FBXW11: variants seen among roughly 807,000 people sequenced by gnomAD.
FBXW11 encodes the protein F-box and WD repeat domain containing 11.
In FBXW11, 19 loss-of-function variants were observed where a neutral mutation model predicts 77.6. The ratio of observed to expected loss-of-function variants is 0.24; its 90% confidence interval spans 0.17 to 0.36. FBXW11 has a LOEUF of 0.36. Ranked by LOEUF, FBXW11 falls within the 10% of genes least tolerant of loss-of-function variation. FBXW11 has a pLI of 1.00. For missense variants in FBXW11, 334 were observed against 704.2 expected, an observed-to-expected ratio of 0.47 and a Z score of 5.95; for synonymous variants, 235 against 249.4, an observed-to-expected ratio of 0.94 and a Z score of 0.54.
chr5:171,994,282 C>T (rs1457062399), intron 1 of FBXW11, among the ~76,000 whole-genome samples: 1 of 152,116 alleles, frequency 6.6e-6, no homozygotes, highest in Admixed American at 6.5e-5. Context: ...AGATGTGTGA[C>T]CTAAAGCATG....
intron 2 of FBXW11, among the ~76,000 whole-genome samples, chr5:171,935,695 G>A (rs927714993): frequency 6.6e-6 from 1 of 152,120 alleles, no homozygotes; most frequent in East Asian, 1.9e-4. Flanking sequence ...CATCAGTGGA[G>A]CAGCATCTTC....
intron 1 of FBXW11, among the ~76,000 whole-genome samples, chr5:171,967,836 T>A (rs1764280703): frequency 7.9e-6 from 1 of 126,234 alleles, no homozygotes; most frequent in African/African-American, 3.9e-5. Flanking sequence ...CGAGACTCTG[T>A]CTCAAAAAAA....
In FBXW11 at chr5:171,869,207, T is replaced by A. The variant is rs1164319975; in HGVS notation, c.1531-411A>T. On this transcript the variant is annotated intron_variant, in intron 12 of 13. Transcript: ENST00000517395. This position sits in a 1 kb window ranked among gnomAD's most constrained non-coding sequence, Gnocchi z 4.1. Reference sequence around the variant, plus strand: ...CAAAATTCATGGTGAAATAATAATATAAGAGTTCCCATTAAAATCAAGAAG... The same window carrying A: ...CAAAATTCATGGTGAAATAATAATAAAAGAGTTCCCATTAAAATCAAGAAG... Among the ~76,000 whole-genome samples the A allele has an allele frequency of 1.3e-5, 2 of 152,176 alleles. No individual in the cohort carries two copies. The highest frequency in any genetic ancestry group is 6.5e-5 in the Admixed American group (1 of 15,270).
chr5:171,968,541 T>C (rs1219266647), intron 1 of FBXW11, among the ~76,000 whole-genome samples: 4 of 152,014 alleles, frequency 2.6e-5, no homozygotes, highest in Non-Finnish European at 4.4e-5. Context: ...GGCTTCTAGA[T>C]AGCTAACAGA....
chr5:172,001,235 G>C (rs958506157), intron 1 of FBXW11, among the ~76,000 whole-genome samples: 4 of 152,296 alleles, frequency 2.6e-5, no homozygotes, highest in South Asian at 4.1e-4. Context: ...CATGTGCTGA[G>C]GAGTAACAGG....
At chr5:171,977,298 A>T (rs1203806373) in intron 1 of FBXW11, among the ~76,000 whole-genome samples, 1 of 150,322 alleles carries the variant, frequency 6.7e-6, no homozygotes, top group East Asian at 1.9e-4. Flanking sequence ...CAACAGAGCA[A>T]GACCATGTCT....
In FBXW11 at chr5:171,910,776, C is replaced by T; in HGVS notation, c.232G>A (p.Val78Met). 3 of 1,605,122 alleles carry T rather than the reference C, an allele frequency of 1.9e-6. No homozygotes were observed. The highest frequency in any genetic ancestry group is 2.6e-6 in the Non-Finnish European group (3 of 1,176,362). ...GATGGCCTCTTTCTGGAGACGATCA[C>T]AGATGATGTTCCATTACTTATCTAT... Reference protein sequence around the residue: ...LWQISNGTSSVIVSRKRPSEG... With the variant: ...LWQISNGTSSMIVSRKRPSEG... Residue 78 changes from valine (V) to methionine (M), a missense_variant, in exon 4 of 14, where the codon GTG (valine) becomes ATG (methionine). Coordinates refer to ENST00000517395, the MANE Select transcript of FBXW11 (RefSeq NM_001378974.1).
intron 2 of FBXW11, among the ~76,000 whole-genome samples, chr5:171,929,599 C>A (rs958167751): frequency 6.6e-6 from 1 of 152,060 alleles, no homozygotes; most frequent in Non-Finnish European, 1.5e-5. Context: ...GGCCTGTAAT[C>A]CTAGCACTTT....
At chr5:171,957,814 T>C in intron 1 of FBXW11, 116 bp from the exon 2 acceptor site, 1 of 837,420 alleles carries the variant, frequency 1.2e-6, no homozygotes, top group Non-Finnish European at 2.0e-6. Flanking sequence ...CTTGGCAGTT[T>C]GGAGGTTAGG....
chr5:171,951,545 AGAG>A (rs1240910164), intron 2 of FBXW11, among the ~76,000 whole-genome samples: 2 of 145,114 alleles, frequency 1.4e-5, no homozygotes, highest in South Asian at 2.4e-4. Context: ...TCAAAAAAAG[AGAG>A]AGAGAAAAAA....
chr5:171,878,014 A>G lies in FBXW11; in HGVS notation c.968T>C (p.Val323Ala). The G allele has an allele frequency of 6.2e-7, 1 of 1,609,612 alleles. No individual in the cohort carries two copies. The highest frequency in any genetic ancestry group is 8.5e-7 in the Non-Finnish European group (1 of 1,176,106). ...VIVTGSSDST[V>A]RVWDVNTGEV... ...ACAATGAAGCCAGATCACTCACCTC[A>G]CCGTAGAATCTGAAGAGCCAGTTAC... Residue 323 changes from valine to alanine, a missense_variant, in exon 8 of 14, where the codon GTG (valine) becomes GCG (alanine). By Grantham distance (64) the Val-to-Ala change is moderately conservative (BLOSUM62 0). Coordinates refer to ENST00000517395, the MANE Select transcript of FBXW11 (RefSeq NM_001378974.1).
intron 1 of FBXW11, among the ~76,000 whole-genome samples, chr5:171,986,353 A>G (rs1332060096): frequency 6.6e-6 from 1 of 151,146 alleles, no homozygotes; most frequent in Non-Finnish European, 1.5e-5. Flanking sequence ...GGTTGCAGTG[A>G]GATCACACCA....
At chr5:171,939,696 C>CAA (rs58051402) in intron 2 of FBXW11, among the ~76,000 whole-genome samples, 19 of 80,018 alleles carry the variant, frequency 2.4e-4, no homozygotes, top group African/African-American at 5.1e-4. Context: ...GACCCTGTCT[C>CAA]AAAAAAAAAA....
At chr5:171,903,375 G>A (rs1760266602) in intron 4 of FBXW11, among the ~76,000 whole-genome samples, 1 of 152,142 alleles carries the variant, frequency 6.6e-6, no homozygotes, top group Non-Finnish European at 1.5e-5. Context: ...TGGGATTACA[G>A]GCGTGAGCCA....
chr5:171,965,979 T>A (rs1392757572), intron 1 of FBXW11, among the ~76,000 whole-genome samples: 4 of 152,126 alleles, frequency 2.6e-5, no homozygotes, highest in Non-Finnish European at 5.9e-5. Context: ...ACTTCCCCCT[T>A]CTCACCCTCT....
intron 7 of FBXW11, among the ~76,000 whole-genome samples, chr5:171,881,495 G>A (rs1022718944): frequency 6.6e-6 from 1 of 152,054 alleles, no homozygotes; most frequent in Non-Finnish European, 1.5e-5. Context: ...TTGATATGAC[G>A]GATTAATTGA....
At chr5:171,930,918 C>T (rs1762160377) in intron 2 of FBXW11, among the ~76,000 whole-genome samples, 1 of 151,926 alleles carries the variant, frequency 6.6e-6, no homozygotes, top group South Asian at 2.1e-4. Context: ...AAATTAAAAA[C>T]ATATTACCAT....
intron 1 of FBXW11, among the ~76,000 whole-genome samples, chr5:171,997,816 T>TCAG (rs1639980205): frequency 6.6e-6 from 1 of 152,122 alleles, no homozygotes; most frequent in African/African-American, 2.4e-5. Flanking sequence ...GAAAAAGCAT[T>TCAG]CAGCAGAACA....
chr5:171,940,978 G>T (rs1327394675), intron 2 of FBXW11, among the ~76,000 whole-genome samples: 2 of 151,668 alleles, frequency 1.3e-5, no homozygotes, highest in Non-Finnish European at 2.9e-5. Context: ...GATAATAAAA[G>T]ATTAAAATAA....
Sources: allele counts gnomAD v4.1 joint callset (sites outside exome capture counted in the v4.1 genomes callset), GRCh38; gene constraint gnomAD v4.1.1; non-coding constraint Gnocchi (gnomAD v3.1); transcripts MANE v1.5; gene names NCBI Gene and HGNC (gene_info 2026-07-23, HGNC 2026-07-21).